Variants in USH2A observed in about 807,000 individuals in gnomAD.
The protein encoded by USH2A is Usher syndrome 2A (autosomal recessive, mild).
In USH2A, 443 loss-of-function variants were observed where a neutral mutation model predicts 538.9. The ratio of observed to expected loss-of-function variants is 0.82; its 90% CI spans 0.76 to 0.89. The LOEUF (loss-of-function observed/expected upper bound fraction) is 0.89, where lower values mean the gene tolerates loss of function less well. Among genes scored for constraint, USH2A ranks in the 40% least tolerant of loss-of-function variants. The pLI is 0.00. For synonymous variants in USH2A, 2,413 were observed against 2,273.5 expected, an observed-to-expected ratio of 1.06 and a Z score of -1.75; for missense variants, 6,633 against 6,324.8, an observed-to-expected ratio of 1.05 and a Z score of -1.65.
At chr1:216,332,158 T>G (rs756028725) in intron 4 of USH2A, among the ~76,000 whole-genome samples, 7 of 152,110 alleles carry the variant, frequency 4.6e-5, no homozygotes, top group Non-Finnish European at 1.0e-4. Flanking sequence ...TGGAGCTGTT[T>G]CAAAGCTCTA....
intron 49 of USH2A, among the ~76,000 whole-genome samples, chr1:215,811,981 GTTTTTTTTTT>G (rs753767378): frequency 1.3e-5 from 1 of 78,788 alleles, no homozygotes; most frequent in Non-Finnish European, 2.3e-5. Flanking sequence ...AACCCCTAGG[GTTTTTTTTTT>G]TTTTTTTTTT....
chr1:216,217,811 A>G (rs2035373493), intron 14 of USH2A, among the ~76,000 whole-genome samples: 1 of 152,096 alleles, frequency 6.6e-6, no homozygotes, highest in Non-Finnish European at 1.5e-5. Context: ...AAAAGATATT[A>G]TATTGCTTTT....
rs397517997 is a variant in USH2A at position 215,634,666 on chromosome 1, C to T, written c.15090G>A (p.Ser5030=). ...VLTTPGKKKG[S]RSKSTEFYSE... is the part of the protein sequence containing the mutation. ...TGTAGAACTCTGTGCTTTTGCTCCG[C>T]GATCCCTTCTTTTTCCCAGGAGTTG... Residue 5030 remains serine (S), a synonymous_variant, in exon 70 of 72, where the codon TCG becomes TCA. Transcript: ENST00000307340. The T allele has an allele frequency of 6.8e-5, 109 of 1,614,230 alleles. No homozygotes were observed. In the Admixed American group the frequency reaches 8.0e-4, roughly 12 times the overall value.
chr1:215,802,930 C>T (rs1402132543), intron 49 of USH2A, among the ~76,000 whole-genome samples: 1 of 152,012 alleles, frequency 6.6e-6, no homozygotes, highest in Non-Finnish European at 1.5e-5. Context: ...ATTATTCGAC[C>T]TTAAAAAGGA....
In USH2A at chr1:215,888,469, A is replaced by AC. The variant is rs774573692; in HGVS notation, c.8179dup (p.Val2727GlyfsTer30). 1 of 1,613,708 alleles carries AC rather than the reference A, an allele frequency of 6.2e-7. No homozygotes were observed. Among genetic ancestry groups the AC allele is most frequent in the African/African-American group, 1.3e-5 (1 of 74,926 alleles). Reference sequence around the variant, plus strand: ...CAGCACTGTCACCACAGGTGGCTGCACCCCAGCAGGTCGTGAGGGTCTTGT... The same window carrying AC: ...CAGCACTGTCACCACAGGTGGCTGCACCCCCAGCAGGTCGTGAGGGTCTTGT... On this transcript the variant is annotated frameshift_variant, in exon 41 of 72. Transcript: ENST00000307340. LOFTEE classifies it high-confidence loss of function.
At chr1:216,325,733 G>A in intron 5 of USH2A, 134 bp from the exon 6 acceptor site, 4 of 841,226 alleles carry the variant, frequency 4.8e-6, no homozygotes, top group South Asian at 4.5e-5. Flanking sequence ...TTTGATGCAT[G>A]AAACATAAAA....
chr1:216,021,928 A>G (rs1668853297), intron 32 of USH2A, among the ~76,000 whole-genome samples: 1 of 152,058 alleles, frequency 6.6e-6, no homozygotes, highest in Non-Finnish European at 1.5e-5. Flanking sequence ...TTGGGGTCAG[A>G]TCCCTCATGA....
At chr1:216,161,122 T>C (rs577443139) in intron 21 of USH2A, among the ~76,000 whole-genome samples, 21 of 152,074 alleles carry the variant, frequency 1.4e-4, no homozygotes, top group Non-Finnish European at 2.5e-4. Flanking sequence ...CATATATTTT[T>C]ATTTTTTAAA....
chr1:216,037,465 C>A (rs1410533492), intron 32 of USH2A, among the ~76,000 whole-genome samples: 2 of 152,104 alleles, frequency 1.3e-5, no homozygotes, highest in African/African-American at 4.8e-5. Flanking sequence ...TTTGAGTGAA[C>A]CACTTCCACC....
intron 48 of USH2A, among the ~76,000 whole-genome samples, chr1:215,816,271 C>T (rs1435430406): frequency 6.6e-6 from 1 of 152,028 alleles, no homozygotes; most frequent in Non-Finnish European, 1.5e-5. Context: ...AAAAAATGCA[C>T]AGTTAGTAAC....
intron 69 of USH2A, 145 bp from the exon 70 acceptor site, chr1:215,634,848 G>A: frequency 1.5e-6 from 2 of 1,373,596 alleles, no homozygotes; most frequent in Non-Finnish European, 1.0e-6. Flanking sequence ...CTTGTGTGCA[G>A]CCTGGGGTAA....
chr1:215,838,703 G>T (rs1297780897), intron 46 of USH2A, among the ~76,000 whole-genome samples: 1 of 152,104 alleles, frequency 6.6e-6, no homozygotes, highest in African/African-American at 2.4e-5. Context: ...AAACCGAGGA[G>T]GGTGGAATAA....
At chr1:216,248,646 A>G (rs1229445313) in intron 12 of USH2A, among the ~76,000 whole-genome samples, 2 of 152,108 alleles carry the variant, frequency 1.3e-5, no homozygotes, top group African/African-American at 4.8e-5. Context: ...CAATAAGGAA[A>G]ATAAAAAAGG....
chr1:215,991,704 G>C (rs2102475490), intron 35 of USH2A, among the ~76,000 whole-genome samples: 1 of 152,282 alleles, frequency 6.6e-6, no homozygotes, highest in South Asian at 2.1e-4. Flanking sequence ...AAAGAGCTTT[G>C]TAATGTGGAA....
chr1:216,156,787 T>A (rs922426891), intron 21 of USH2A, among the ~76,000 whole-genome samples: 2 of 152,064 alleles, frequency 1.3e-5, no homozygotes, highest in African/African-American at 4.8e-5. Context: ...AGTTCTAATA[T>A]GCAGAACCTA....
At chr1:215,992,958 T>C in intron 35 of USH2A, 62 bp downstream of exon 35, 1 of 1,610,544 alleles carries the variant, frequency 6.2e-7, no homozygotes, top group Middle Eastern at 1.8e-4. Context: ...AGCTGCCATT[T>C]AGAATATTAA....
chr1:216,069,908 G>A (rs558790174), intron 30 of USH2A, among the ~76,000 whole-genome samples, 193 bp downstream of exon 30: 15 of 152,250 alleles, frequency 9.9e-5, no homozygotes, highest in African/African-American at 3.1e-4. Flanking sequence ...GAGCCCATGC[G>A]CATTGTAGAA....
chr1:215,954,918 T>G (rs1571843971), intron 37 of USH2A, among the ~76,000 whole-genome samples: 1 of 152,088 alleles, frequency 6.6e-6, no homozygotes, highest in Non-Finnish European at 1.5e-5. Flanking sequence ...CCACCACAAT[T>G]TTACCTTCCT....
chr1:216,254,446 G>C (rs541744176), intron 11 of USH2A, among the ~76,000 whole-genome samples: 1 of 151,920 alleles, frequency 6.6e-6, no homozygotes, highest in African/African-American at 2.4e-5. Flanking sequence ...TCTTTGGTAC[G>C]ATCCTTCCAC....
Sources: allele counts gnomAD v4.1 joint callset (sites outside exome capture counted in the v4.1 genomes callset), GRCh38; gene constraint gnomAD v4.1.1; transcripts MANE v1.5; gene names NCBI Gene and HGNC (gene_info 2026-07-23, HGNC 2026-07-21).